GLI3: variants seen among roughly 807,000 people sequenced by gnomAD.
GLI3 encodes transcription activator GLI3.
Under a neutral mutation model 100.8 loss-of-function variants are expected in GLI3, and 20 were observed. That is an observed-to-expected ratio of 0.20 (90% CI 0.14 to 0.29). The LOEUF is 0.29. Ranked by LOEUF, GLI3 falls within the 10% of genes least tolerant of loss-of-function variation. GLI3 has a pLI of 1.00. For synonymous variants in GLI3, 938 were observed against 860.5 expected (o/e 1.09, Z -1.58); for missense variants, 2,040 against 2,128.5 (o/e 0.96, Z 0.82).
At chr7:41,978,938 G>A (rs953771670) in intron 10 of GLI3, among the ~76,000 whole-genome samples, 190 bp from the exon 11 acceptor site, 17 of 152,220 alleles carry the variant, frequency 1.1e-4, no homozygotes. Context: ...TGCTAACTGT[G>A]TATGCATGCT....
chr7:42,185,054 A>G (rs1231792285), intron 2 of GLI3, among the ~76,000 whole-genome samples: 2 of 152,004 alleles, frequency 1.3e-5, no homozygotes, highest in Non-Finnish European at 2.9e-5. Context: ...GTTAAGGTGA[A>G]CACTGGCTCC....
chr7:41,992,007 A>G (rs1409610793), intron 10 of GLI3, among the ~76,000 whole-genome samples: 1 of 152,164 alleles, frequency 6.6e-6, no homozygotes, highest in Non-Finnish European at 1.5e-5. Flanking sequence ...GAAAAATTAT[A>G]AGGGGAGTTG....
Position 42,125,116 on chromosome 7 carries a change from A to C in GLI3, c.367+23110T>G, listed in dbSNP as rs116248241. On this transcript the variant is annotated intron_variant, in intron 3 of 14. Transcript: ENST00000395925. ...TTAGTGCTAACGGTATTGCTCGCAC[A>C]ATAGCAAAAACACAACAAGAGTCAG... Among the ~76,000 whole-genome samples, 342 of 152,312 alleles carry C rather than the reference A, an allele frequency of 2.2e-3. 1 individual carries two copies. Among genetic ancestry groups the C allele is most frequent in the African/African-American group, 8.1e-3 (336 of 41,566 alleles).
chr7:42,242,728 A>G (rs1788937691), upstream of GLI3, among the ~76,000 whole-genome samples: 1 of 152,174 alleles, frequency 6.6e-6, no homozygotes. Flanking sequence ...AGCATCTTGT[A>G]CTAGTTGATC....
chr7:42,023,532 T>C lies in GLI3; in HGVS notation c.1433A>G (p.Tyr478Cys), dbSNP rs1312485546. Reference sequence around the variant, plus strand: ...GCCTTCCCAGTGGCAGTTTGTCTCATAGATGACTTCAGGCTCCTGTTTGCT... The same window carrying C: ...GCCTTCCCAGTGGCAGTTTGTCTCACAGATGACTTCAGGCTCCTGTTTGCT... Reference protein sequence around the residue: ...DESKQEPEVIYETNCHWEGCA... With the variant: ...DESKQEPEVICETNCHWEGCA... Residue 478 changes from tyrosine to cysteine, a missense_variant, in exon 10 of 15, where the codon TAT becomes TGT. Physicochemically the swap from Tyr to Cys is radical, Grantham distance 194. This residue lies in a region of GLI3 where 603 missense variants were observed against 690.9 expected (regional missense o/e 0.87). Coordinates refer to ENST00000395925, the MANE Select transcript of GLI3 (RefSeq NM_000168.6). 2.5e-6 allele frequency: 4 copies of C among 1,613,770 alleles called. No homozygotes were observed. The highest frequency in any genetic ancestry group is 1.7e-5 in the Admixed American group (1 of 59,992).
intron 4 of GLI3, among the ~76,000 whole-genome samples, chr7:42,071,087 A>C (rs1164337768): frequency 6.6e-6 from 1 of 152,218 alleles, no homozygotes; most frequent in Non-Finnish European, 1.5e-5. Context: ...CATCATTAAA[A>C]ATAATATTTA....
At chr7:41,978,983 G>A (rs1177726505) in intron 10 of GLI3, among the ~76,000 whole-genome samples, 1 of 152,214 alleles carries the variant, frequency 6.6e-6, no homozygotes, top group African/African-American at 2.4e-5. Flanking sequence ...CCGGGATGGA[G>A]CCTGGCATTC....
Position 42,263,750 on chromosome 7 carries a change from A to T in GLI3, c.-43+244T>A, listed in dbSNP as rs553763527. Among the ~76,000 whole-genome samples the T allele has an allele frequency of 1.3e-4, 20 of 152,152 alleles. 1 individual carries two copies. The South Asian group carries it at 4.1e-3, about 32-fold the overall frequency. On this transcript the variant is annotated intron_variant, in intron 1 of 2. Transcript: ENST00000678978. Reference sequence around the variant, plus strand: ...GGCGTGAGCCACCGCACCCCACCAGATCTTGATGCCTTTTGAAATTCCCCT... The same window carrying T: ...GGCGTGAGCCACCGCACCCCACCAGTTCTTGATGCCTTTTGAAATTCCCCT...
intron 3 of GLI3, among the ~76,000 whole-genome samples, chr7:42,122,023 G>T (rs572886994): frequency 2.0e-5 from 3 of 152,028 alleles, no homozygotes; most frequent in Non-Finnish European, 4.4e-5. Flanking sequence ...TACCTCCCAG[G>T]CTTCCACACC....
chr7:42,210,065 T>A (rs376976256), intron 2 of GLI3, among the ~76,000 whole-genome samples: 2 of 141,366 alleles, frequency 1.4e-5, no homozygotes, highest in Middle Eastern at 3.9e-3. Context: ...TCCAAAGGGG[T>A]TCACCCATTC....
At chr7:42,158,708 C>A (rs966138862) in intron 2 of GLI3, among the ~76,000 whole-genome samples, 2 of 152,096 alleles carry the variant, frequency 1.3e-5, no homozygotes, top group Admixed American at 1.3e-4. Context: ...CCAGGCTGGT[C>A]TTGAACTCCT....
At chr7:42,095,359 T>C (rs533999966) in intron 3 of GLI3, among the ~76,000 whole-genome samples, 5 of 152,222 alleles carry the variant, frequency 3.3e-5, no homozygotes, top group African/African-American at 1.2e-4. Context: ...TCCTACACCA[T>C]GCAAGAGAGC....
chr7:42,139,446 G>A (rs6952360), intron 3 of GLI3, among the ~76,000 whole-genome samples: 2,433 of 152,270 alleles, frequency 0.016, 71 homozygotes, highest in African/African-American at 0.056. Flanking sequence ...TTGGGAGGCC[G>A]AGACGGGCAG....
chr7:42,196,382 A>G (rs2128690678), intron 2 of GLI3, among the ~76,000 whole-genome samples: 1 of 152,326 alleles, frequency 6.6e-6, no homozygotes, highest in Admixed American at 6.5e-5. Flanking sequence ...GGGAGGGGCC[A>G]GCTTTACAGG....
intron 1 of GLI3, among the ~76,000 whole-genome samples, chr7:42,263,322 T>C (rs1234110862): frequency 6.6e-6 from 1 of 152,256 alleles, no homozygotes; most frequent in East Asian, 1.9e-4. Context: ...TGTGCCTATG[T>C]TAACTAAAAG....
At chr7:42,105,415 A>G (rs1383431718) in intron 3 of GLI3, among the ~76,000 whole-genome samples, 4 of 152,196 alleles carry the variant, frequency 2.6e-5, no homozygotes, top group African/African-American at 7.2e-5. Flanking sequence ...AAATATTTAT[A>G]AAAATTACTC....
intron 10 of GLI3, among the ~76,000 whole-genome samples, chr7:42,007,427 C>T (rs1260048862): frequency 2.0e-5 from 3 of 152,080 alleles, no homozygotes; most frequent in African/African-American, 7.2e-5. Flanking sequence ...ATGATCACAC[C>T]AAGTTTTATA....
At chr7:42,214,862 TAAA>T (rs34437341) in intron 2 of GLI3, among the ~76,000 whole-genome samples, 42 of 118,968 alleles carry the variant, frequency 3.5e-4, no homozygotes, top group Non-Finnish European at 4.2e-4. Flanking sequence ...CACTGGATGC[TAAA>T]AAAAAAAAAA....
intron 10 of GLI3, among the ~76,000 whole-genome samples, chr7:42,006,355 G>A (rs1156573060): frequency 6.6e-6 from 1 of 152,164 alleles, no homozygotes; most frequent in Non-Finnish European, 1.5e-5. Flanking sequence ...TCCAAGAGTG[G>A]GAGGAGAAGA....
Sources: allele counts gnomAD v4.1 joint callset (sites outside exome capture counted in the v4.1 genomes callset), GRCh38; gene constraint gnomAD v4.1.1; regional missense constraint gnomAD v4.1.1; transcripts MANE v1.5; gene names NCBI Gene and HGNC (gene_info 2026-07-23, HGNC 2026-07-21).